The following ZNF714 variants were observed in gnomAD, a reference collection of about 807,000 sequenced individuals.
ZNF714 encodes zinc finger protein 714.
Under a neutral mutation model 46.2 loss-of-function variants are expected in ZNF714, and 32 were observed. The ratio of observed to expected loss-of-function variants is 0.69; its 90% CI spans 0.52 to 0.93. ZNF714 has a LOEUF of 0.93. ZNF714 is among the 40% of genes least tolerant of loss of function. The pLI, the probability that ZNF714 is intolerant of heterozygous loss-of-function variation, is 0.00. For synonymous variants in ZNF714, 199 were observed against 213.1 expected, an observed-to-expected ratio of 0.93 and a Z score of 0.58; for missense variants, 635 against 646.3, an observed-to-expected ratio of 0.98 and a Z score of 0.19.
intron 2 of ZNF714, among the ~76,000 whole-genome samples, chr19:21,095,362 C>T (rs369987427): frequency 1.2e-4 from 18 of 152,318 alleles, no homozygotes; most frequent in African/African-American, 4.3e-4. Flanking sequence ...CCTCCACGTT[C>T]TCACCACCTG....
chr19:21,087,534 T>A (rs1461502056), intron 2 of ZNF714, among the ~76,000 whole-genome samples: 1 of 152,166 alleles, frequency 6.6e-6, no homozygotes, highest in Non-Finnish European at 1.5e-5. Flanking sequence ...GACAAACCTA[T>A]CCAATTTTAG....
At chr19:21,083,042 AT>A (rs71176807) in intron 1 of ZNF714, among the ~76,000 whole-genome samples, 2 of 148,404 alleles carry the variant, frequency 1.3e-5, no homozygotes, top group African/African-American at 4.9e-5. Context: ...CCTCAGTTAG[AT>A]TTTTTTTTTT....
intron 4 of ZNF714, among the ~76,000 whole-genome samples, chr19:21,103,176 T>C (rs1454776003): frequency 1.4e-5 from 2 of 137,954 alleles, no homozygotes; most frequent in African/African-American, 5.2e-5. Context: ...GAGAAACACT[T>C]TTTGTGATTT....
Position 21,121,563 on chromosome 19 carries a change from A to G in ZNF714, c.*3231A>G, listed in dbSNP as rs1025383430. 6.6e-6 allele frequency: 1 copy of G among 152,240 alleles called. No homozygotes were observed. Among genetic ancestry groups the G allele is most frequent in the Non-Finnish European group, 1.5e-5 (1 of 68,032 alleles). 9.4% of individuals were successfully genotyped at this position (152,240 alleles called of 1,614,324 possible). ...TTGATTCACATAGAGTTAAATATGT[A>G]TTAGTCTAAAGACAAACTTTAGGTG... is the stretch of plus-strand genomic sequence containing the variant. On this transcript the variant is annotated 3_prime_UTR_variant, in exon 5 of 5. Coordinates refer to ENST00000456283, the MANE Select transcript of ZNF714 (RefSeq NM_182515.4).
chr19:21,116,912 T>C lies in ZNF714; in HGVS notation c.248T>C (p.Leu83Ser). ...CATGGCAAATGTGAACATGAGAATT[T>C]ACAGTTAAGAAAAGGCTCCGCAAAT... ...RRHGKCEHEN[L>S]QLRKGSANVV... is the part of the protein sequence containing the mutation. Residue 83 changes from leucine (L) to serine (S), a missense_variant, in exon 5 of 5, where the codon TTA (leucine) becomes TCA (serine). By Grantham distance (145) the Leu-to-Ser change is moderately radical (BLOSUM62 -2). Transcript: ENST00000456283. 1 of 1,613,930 alleles carries C rather than the reference T, an allele frequency of 6.2e-7. No individual in the cohort carries two copies.
chr19:21,087,553 C>T (rs567020972), intron 2 of ZNF714, among the ~76,000 whole-genome samples: 4 of 152,132 alleles, frequency 2.6e-5, no homozygotes, highest in East Asian at 1.9e-4. Context: ...AGTATTTGAC[C>T]GTAAGGTAAT....
chr19:21,118,094 G>C lies in ZNF714; in HGVS notation c.1430G>C (p.Gly477Ala). ...NLTKHNIIHT[G>A]EKSYKCEECG... ...ACTAAACATAACATAATTCATACTG[G>C]AGAGAAATCTTACAAATGTGAAGAA... The change falls in exon 5 of 5, where the codon GGA becomes GCA. Residue 477 changes from glycine to alanine, a missense_variant. Coordinates refer to ENST00000456283, the MANE Select transcript of ZNF714 (RefSeq NM_182515.4). The C allele has an allele frequency of 6.2e-7, 1 of 1,613,858 alleles. No homozygotes were observed. Among genetic ancestry groups the C allele is most frequent in the Non-Finnish European group, 8.5e-7 (1 of 1,179,860 alleles).
At chr19:21,095,422 C>T (rs1170915665) in intron 2 of ZNF714, among the ~76,000 whole-genome samples, 2 of 152,012 alleles carry the variant, frequency 1.3e-5, no homozygotes, top group Non-Finnish European at 2.9e-5. Flanking sequence ...GAGCTCAGGG[C>T]CTTCACAGCC....
Position 21,118,066 on chromosome 19 carries a change from CT to C in ZNF714, c.1404del (p.Thr469LeufsTer5). 6.2e-7 allele frequency: 1 copy of C among 1,613,902 alleles called. No homozygotes were observed. The highest frequency in any genetic ancestry group is 1.1e-5 in the South Asian group (1 of 91,070). On this transcript the variant is annotated frameshift_variant, in exon 5 of 5. Transcript: ENST00000456283. LOFTEE classifies it high-confidence loss of function. ...CAAAGCTTTCAACCGATCCTCAAAC[CT>C]TACTAAACATAACATAATTCATACT... The part of the protein sequence containing the change: ...CGKAFNRSSN[L>X]TKHNIIHTGE...
intron 4 of ZNF714, among the ~76,000 whole-genome samples, chr19:21,111,441 T>C (rs369974078): frequency 4.6e-5 from 7 of 152,176 alleles, no homozygotes; most frequent in African/African-American, 1.7e-4. Flanking sequence ...TTTGCTGAAG[T>C]TGCTTATTAG....
At chr19:21,088,064 G>T (rs1370458447) in intron 2 of ZNF714, among the ~76,000 whole-genome samples, 2 of 152,250 alleles carry the variant, frequency 1.3e-5, no homozygotes. Context: ...TAGTTAGGGG[G>T]TGTGGCTAAC....
Position 21,119,667 on chromosome 19 carries a change from A to G in ZNF714, c.*1335A>G, listed in dbSNP as rs896464449. The G allele has an allele frequency of 2.6e-5, 4 of 152,196 alleles. No homozygotes were observed. Among genetic ancestry groups the G allele is most frequent in the Non-Finnish European group, 4.4e-5 (3 of 68,036 alleles). The allele number at this position is 152,196 out of a possible 1,614,324, so 9.4% of individuals were successfully genotyped here. A position where few individuals can be genotyped will look rare whatever the true frequency, so the allele number is the denominator to read the frequency against. On this transcript the variant is annotated 3_prime_UTR_variant, in exon 5 of 5. Transcript: ENST00000456283. The stretch of plus-strand genomic sequence containing the variant: ...GAAAACAGAGTTCATACTAGAATAT[A>G]TTTTTGCAGATGCAGTAAAAGTTAA...
At chr19:21,112,625 G>A (rs1969473064) in intron 4 of ZNF714, among the ~76,000 whole-genome samples, 1 of 150,210 alleles carries the variant, frequency 6.7e-6, no homozygotes, top group Admixed American at 6.6e-5. Flanking sequence ...TAGCTTTAAG[G>A]TTTGTTTGCT....
intron 3 of ZNF714, 42 bp downstream of exon 3, chr19:21,098,353 C>T (rs1046490494): frequency 3.0e-5 from 48 of 1,581,042 alleles, no homozygotes; most frequent in African/African-American, 4.1e-5. Context: ...ATACCCTAAA[C>T]GTTTTATGTC....
In ZNF714 at chr19:21,117,869, G is replaced by T. The variant is rs376532979; in HGVS notation, c.1205G>T (p.Cys402Phe). Residue 402 changes from cysteine (C) to phenylalanine (F), a missense_variant, in exon 5 of 5, where the codon TGT (cysteine) becomes TTT (phenylalanine). By Grantham distance (205) the Cys-to-Phe change is radical. Coordinates refer to ENST00000456283, the MANE Select transcript of ZNF714 (RefSeq NM_182515.4). ...TGEKPYKCEE[C>F]GKAFNQSSNL... is the part of the protein sequence containing the mutation. The stretch of plus-strand genomic sequence containing the variant: ...GAGAAACCTTACAAATGTGAAGAAT[G>T]TGGCAAAGCTTTTAACCAATCCTCA... The T allele has an allele frequency of 1.2e-6, 2 of 1,612,966 alleles. No individual in the cohort carries two copies. The highest frequency in any genetic ancestry group is 2.7e-5 in the African/African-American group (2 of 74,904).
intron 2 of ZNF714, chr19:21,091,377 A>G (rs1388593049): frequency 6.6e-6 from 1 of 152,158 alleles, no homozygotes; most frequent in Non-Finnish European, 1.5e-5. Context: ...TGTGACCTGT[A>G]TCTTATGCTG....
At chr19:21,112,074 A>C (rs1422703465) in intron 4 of ZNF714, among the ~76,000 whole-genome samples, 1 of 152,120 alleles carries the variant, frequency 6.6e-6, no homozygotes, top group Non-Finnish European at 1.5e-5. Context: ...TATCTCTGCC[A>C]GGTCTTGATA....
chr19:21,117,733 A>G lies in ZNF714; in HGVS notation c.1069A>G (p.Thr357Ala). The G allele has an allele frequency of 1.9e-6, 3 of 1,613,638 alleles. No homozygotes were observed. Among genetic ancestry groups the G allele is most frequent in the Middle Eastern group, 1.7e-4 (1 of 6,040 alleles). The change falls in exon 5 of 5, where the codon ACT (threonine) becomes GCT (alanine). Residue 357 changes from threonine to alanine, a missense_variant. By Grantham distance (58) the Thr-to-Ala change is moderately conservative (BLOSUM62 0). Coordinates refer to ENST00000456283, the MANE Select transcript of ZNF714 (RefSeq NM_182515.4). ...AGCCTTTAATGTGTCTTCACACCTT[A>G]CTACACATAAGATGATTCATACTGG... Reference protein sequence around the residue: ...GKAFNVSSHLTTHKMIHTGEK... With the variant: ...GKAFNVSSHLATHKMIHTGEK...
chr19:21,095,745 C>T (rs1398511536), intron 2 of ZNF714, among the ~76,000 whole-genome samples: 3 of 152,112 alleles, frequency 2.0e-5, no homozygotes, highest in South Asian at 2.1e-4. Context: ...TGAGCCACCG[C>T]GCCTAGCCTG....
Sources: allele counts gnomAD v4.1 joint callset (sites outside exome capture counted in the v4.1 genomes callset), GRCh38; gene constraint gnomAD v4.1.1; transcripts MANE v1.5; gene names NCBI Gene and HGNC (gene_info 2026-07-23, HGNC 2026-07-21).